Variants in CHRNA3 observed in about 807,000 individuals in gnomAD.
CHRNA3 encodes the protein cholinergic receptor nicotinic alpha 3 subunit, also known as neuronal acetylcholine receptor subunit alpha-3.
Under a neutral mutation model 41.9 loss-of-function variants are expected in CHRNA3, and 34 were observed. The ratio of observed to expected loss-of-function variants is 0.81; its 90% CI spans 0.62 to 1.08. The LOEUF (loss-of-function observed/expected upper bound fraction) is 1.08. CHRNA3 is among the 50% of genes least tolerant of loss of function. The pLI is 0.00. For synonymous variants in CHRNA3, 281 were observed against 265.2 expected, an observed-to-expected ratio of 1.06 and a Z score of -0.58; for missense variants, 542 against 638.3, an observed-to-expected ratio of 0.85 and a Z score of 1.63.
Position 78,602,109 on chromosome 15 carries a change from C to T in CHRNA3, c.533G>A (p.Gly178Asp), listed in dbSNP as rs780434499. Residue 178 changes from glycine (G) to aspartate (D), a missense_variant, in exon 5 of 6, where the codon GGT becomes GAT. Physicochemically the swap from Gly to Asp is moderately conservative, Grantham distance 94. Coordinates refer to ENST00000326828, the MANE Select transcript of CHRNA3 (RefSeq NM_000743.5). ...TTTCGCCTTATCGTAGGACCAGGAA[C>T]CGAACTTCATGGTACAGTTTTGGTA... ...FDYQNCTMKF[G>D]SWSYDKAKID... 6.2e-7 allele frequency: 1 copy of T among 1,614,142 alleles called. No individual in the cohort carries two copies. The highest frequency in any genetic ancestry group is 8.5e-7 in the Non-Finnish European group (1 of 1,180,032).
chr15:78,609,756 A>G (rs1329416213), intron 4 of CHRNA3, among the ~76,000 whole-genome samples: 6 of 152,234 alleles, frequency 3.9e-5, no homozygotes, highest in African/African-American at 1.4e-4. Context: ...AATGGGCTAA[A>G]TGCTCCAATT....
At chr15:78,598,539 T>A (rs1376399121) in intron 5 of CHRNA3, among the ~76,000 whole-genome samples, 2 of 151,996 alleles carry the variant, frequency 1.3e-5, no homozygotes, top group Non-Finnish European at 2.9e-5. Flanking sequence ...GAACTACAGG[T>A]GTGTGTCACT....
Position 78,596,250 on chromosome 15 carries a change from C to A in CHRNA3, c.*354G>T. The A allele has an allele frequency of 1.0e-6, 1 of 991,872 alleles. No homozygotes were observed. The highest frequency in any genetic ancestry group is 1.2e-6 in the Non-Finnish European group (1 of 834,216). The allele number at this position is 991,872 out of a possible 1,614,324, so 61.4% of individuals were successfully genotyped here. On this transcript the variant is annotated 3_prime_UTR_variant, in exon 6 of 6. Coordinates refer to ENST00000326828, the MANE Select transcript of CHRNA3 (RefSeq NM_000743.5). Reference sequence around the variant, plus strand: ...ATTACTGGGAGATCTGTAGTGATAACTGAATGACTTTTCATATTTCTGAAC... The same window carrying A: ...ATTACTGGGAGATCTGTAGTGATAAATGAATGACTTTTCATATTTCTGAAC...
Position 78,601,938 on chromosome 15 carries a change from A to G in CHRNA3, c.704T>C (p.Leu235Pro), listed in dbSNP as rs1309237172. Residue 235 changes from leucine (L) to proline (P), a missense_variant, in exon 5 of 6, where the codon CTG (leucine) becomes CCG (proline). By Grantham distance (98) the Leu-to-Pro change is moderately conservative. Transcript: ENST00000326828. ...EEIYPDITYS[L>P]YIRRLPLFYT... ...GAACAAGGGCAGGCGCCGGATGTAC[A>G]GCGAGTATGTGATGTCGGGGTAGAT... 2 of 1,613,242 alleles carry G rather than the reference A, an allele frequency of 1.2e-6. No individual in the cohort carries two copies. The highest frequency in any genetic ancestry group is 1.7e-5 in the Admixed American group (1 of 59,960).
Position 78,601,271 on chromosome 15 carries a change from T to C in CHRNA3, c.1371A>G (p.Ala457=). 1 of 1,613,244 alleles carries C rather than the reference T, an allele frequency of 6.2e-7. No individual in the cohort carries two copies. The change falls in exon 5 of 6, where the codon GCA becomes GCG. Residue 457 remains alanine, a synonymous_variant. Coordinates refer to ENST00000326828, the MANE Select transcript of CHRNA3 (RefSeq NM_000743.5). ...TCCTTACCTCTTTGGCTTCATTTTG[T>C]GCTTTCATATTTTCAGCAATATACT... ...SVKYIAENMK[A]QNEAKEIQDD...
intron 4 of CHRNA3, among the ~76,000 whole-genome samples, chr15:78,610,489 G>A (rs1176130179): frequency 7.9e-5 from 12 of 152,112 alleles, no homozygotes; most frequent in African/African-American, 1.9e-4. Flanking sequence ...GGTACATAAC[G>A]AAAGGTAGGC....
Position 78,596,619 on chromosome 15 carries a change from G to A in CHRNA3, c.1503C>T (p.Ala501=). The A allele has an allele frequency of 6.2e-7, 1 of 1,606,156 alleles. No individual in the cohort carries two copies. Among genetic ancestry groups the A allele is most frequent in the Non-Finnish European group, 8.5e-7 (1 of 1,178,148 alleles). Reference sequence around the variant, plus strand: ...AGCTTAGTGCTTATGCATCTTCCCTGGCCATCAGGGGTTGCAGAAACAATC... The same window carrying A: ...AGCTTAGTGCTTATGCATCTTCCCTAGCCATCAGGGGTTGCAGAAACAATC... ...TAGLFLQPLM[A]REDA The change falls in exon 6 of 6, where the codon GCC becomes GCT. Residue 501 remains alanine (A), a synonymous_variant. Coordinates refer to ENST00000326828, the MANE Select transcript of CHRNA3 (RefSeq NM_000743.5).
Position 78,596,067 on chromosome 15 carries a change from T to C in CHRNA3, c.*537A>G. ...AGGCATGATTTCTCATGGTATAATTTAGAAGTATGCAAGAGAAGTAGTTGA... is the reference window on the plus strand; with the variant it reads ...AGGCATGATTTCTCATGGTATAATTCAGAAGTATGCAAGAGAAGTAGTTGA... On this transcript the variant is annotated 3_prime_UTR_variant, in exon 6 of 6. Transcript: ENST00000326828. 1.0e-6 allele frequency: 1 copy of C among 984,748 alleles called. No homozygotes were observed. The highest frequency in any genetic ancestry group is 1.2e-6 in the Non-Finnish European group (1 of 829,338). The allele number at this position is 984,748 out of a possible 1,614,324, so 61.0% of individuals were successfully genotyped here.
In CHRNA3 at chr15:78,601,129, A is replaced by C. The variant is rs1596072828; in HGVS notation, c.1389+124T>G. 13 of 885,574 alleles carry C rather than the reference A, an allele frequency of 1.5e-5. No individual in the cohort carries two copies. In the East Asian group the frequency reaches 3.2e-4, roughly 22 times the overall value. 54.9% of individuals were successfully genotyped at this position (885,574 alleles called of 1,614,324 possible). On this transcript the variant is annotated intron_variant, in intron 5 of 5. Transcript: ENST00000326828. ...TACCCAAGGACATATAACTGGTCTT[A>C]ACACAGGCCACTGACTCCAGAGGGC...
chr15:78,601,748 C>CA lies in CHRNA3; in HGVS notation c.893_894insT (p.Leu299AlafsTer120). ...ACTCTCCAATCAGGGGGATGACCAG[C>CA]GAGGTGGAAGGGATGGTCTCAGTGA... On this transcript the variant is annotated frameshift_variant, in exon 5 of 6. Transcript: ENST00000326828. LOFTEE classifies it high-confidence loss of function. 1 of 1,614,008 alleles carries CA rather than the reference C, an allele frequency of 6.2e-7. No homozygotes were observed. Among genetic ancestry groups the CA allele is most frequent in the Non-Finnish European group, 8.5e-7 (1 of 1,180,000 alleles).
chr15:78,616,034 G>T (rs1404748592), intron 4 of CHRNA3, among the ~76,000 whole-genome samples: 1 of 148,366 alleles, frequency 6.7e-6, no homozygotes, highest in East Asian at 2.2e-4. Context: ...CAGCCACCAT[G>T]CCTGGCCAAA....
At chr15:78,617,859 G>C (rs2053488809) in intron 3 of CHRNA3, among the ~76,000 whole-genome samples, 1 of 152,208 alleles carries the variant, frequency 6.6e-6, no homozygotes, top group Non-Finnish European at 1.5e-5. Flanking sequence ...CCTCCCTGGG[G>C]AGGACATGTG....
In CHRNA3 at chr15:78,620,914, G is replaced by A; in HGVS notation, c.-120C>T. On this transcript the variant is annotated 5_prime_UTR_variant, in exon 1 of 6. Transcript: ENST00000326828. Reference sequence around the variant, plus strand: ...CCAGACCTGGAGCCGTGCGGGCGGAGACGCGCGGGGCTCCTCTCCGCTTCG... The same window carrying A: ...CCAGACCTGGAGCCGTGCGGGCGGAAACGCGCGGGGCTCCTCTCCGCTTCG... 1 of 1,206,128 alleles carries A rather than the reference G, an allele frequency of 8.3e-7. No homozygotes were observed. Among genetic ancestry groups the A allele is most frequent in the East Asian group, 3.4e-5 (1 of 29,604 alleles). 74.7% of individuals were successfully genotyped at this position (1,206,128 alleles called of 1,614,324 possible).
intron 1 of CHRNA3, chr15:78,620,331 G>A: frequency 4.5e-6 from 1 of 221,094 alleles, no homozygotes; most frequent in African/African-American, 2.3e-5. Context: ...TGCAGACGGT[G>A]GAGCGGGAGG....
chr15:78,615,051 G>A (rs1048144965), intron 4 of CHRNA3, among the ~76,000 whole-genome samples: 4 of 152,166 alleles, frequency 2.6e-5, no homozygotes, highest in African/African-American at 4.8e-5. Flanking sequence ...ACTGGCTCGA[G>A]AGCAGCTTCT....
In CHRNA3 at chr15:78,618,797, G is replaced by A. The variant is rs1462385184; in HGVS notation, c.201C>T (p.Ser67=). ...SDPVIIHFEV[S]MSQLVKVDEV... is the part of the protein sequence containing the mutation. ...TCACCACCTTCACCAGCTGAGACAT[G>A]GACACCTCGAAATGGATGATGACTG... is the stretch of plus-strand genomic sequence containing the variant. The change falls in exon 2 of 6, where the codon TCC becomes TCT. Residue 67 remains serine (S), a synonymous_variant. Coordinates refer to ENST00000326828, the MANE Select transcript of CHRNA3 (RefSeq NM_000743.5). 1.2e-6 allele frequency: 2 copies of A among 1,613,972 alleles called. No individual in the cohort carries two copies.
rs200966876 is a variant in CHRNA3, at chr15:78,596,466, T to C, written c.*138A>G. The C allele has an allele frequency of 7.6e-7, 1 of 1,316,398 alleles. No homozygotes were observed. The highest frequency in any genetic ancestry group is 3.6e-5 in the Admixed American group (1 of 27,726). The allele number at this position is 1,316,398 out of a possible 1,614,324, so 81.5% of individuals were successfully genotyped here. A position where few individuals can be genotyped will look rare whatever the true frequency, so the allele number is the denominator to read the frequency against. On this transcript the variant is annotated 3_prime_UTR_variant, in exon 6 of 6. Transcript: ENST00000326828. ...TTTTTTTTTTTGCATGATTCCAAGA[T>C]AAGTGGAAAATAAGTAAACCTCGAA... is the stretch of plus-strand genomic sequence containing the variant.
Position 78,600,912 on chromosome 15 carries a change from C to T in CHRNA3, c.1389+341G>A, listed in dbSNP as rs144313073. On this transcript the variant is annotated intron_variant, in intron 5 of 5. Transcript: ENST00000326828. ...AAAATATAACCTCAATTAACCAATA[C>T]TAACTGGAGATCATCTGGCCCCATG... Among the ~76,000 whole-genome samples the T allele has an allele frequency of 2.0e-5, 3 of 152,216 alleles. No individual in the cohort carries two copies. In the East Asian group the frequency reaches 5.8e-4, roughly 29 times the overall value.
At chr15:78,603,230 G>C (rs368435995) in intron 4 of CHRNA3, among the ~76,000 whole-genome samples, 48 of 152,310 alleles carry the variant, frequency 3.2e-4, no homozygotes, top group African/African-American at 1.2e-3. Flanking sequence ...GGCTGGGCTG[G>C]TCTCGAACTC....
Sources: gnomAD v4.1 joint callset for allele counts (sites outside exome capture counted in the v4.1 genomes callset) on GRCh38, gnomAD v4.1.1 for gene constraint, MANE v1.5 for transcripts, NCBI Gene and HGNC (gene_info 2026-07-23, HGNC 2026-07-21) for gene names.